GBP6: variants seen among roughly 807,000 people sequenced by gnomAD.
The protein encoded by GBP6 is guanylate binding protein family member 6, also known as guanylate-binding protein 6.
GBP6 carries 54 observed loss-of-function variants against 61.5 expected under a neutral mutation model. That is an observed-to-expected ratio of 0.88 (90% CI 0.71 to 1.10). The LOEUF (loss-of-function observed/expected upper bound fraction) is 1.10, where lower values mean the gene tolerates loss of function less well. Ranked by LOEUF, GBP6 falls within the 50% of genes least tolerant of loss-of-function variation. GBP6 has a pLI of 0.00. For synonymous variants in GBP6, 255 were observed against 273.7 expected (o/e 0.93, Z 0.67); for missense variants, 748 against 752.8 (o/e 0.99, Z 0.07).
In GBP6 at chr1:89,381,784, G is replaced by T. The variant is rs530087862; in HGVS notation, c.962G>T (p.Arg321Leu). 1.2e-6 allele frequency: 2 copies of T among 1,614,132 alleles called. No homozygotes were observed. The highest frequency in any genetic ancestry group is 2.2e-5 in the South Asian group (2 of 91,082). Residue 321 changes from arginine to leucine, a missense_variant, in exon 7 of 11, where the codon CGT (arginine) becomes CTT (leucine). Physicochemically the swap from Arg to Leu is moderately radical, Grantham distance 102 (BLOSUM62 -2). Transcript: ENST00000370456. ...LENAVITLAQ[R>L]ENSAAVQRAA... ...AATGCAGTGATAACTCTGGCCCAGCGTGAGAACTCAGCGGCCGTGCAGAGG... is the reference window on the plus strand; with the variant it reads ...AATGCAGTGATAACTCTGGCCCAGCTTGAGAACTCAGCGGCCGTGCAGAGG...
chr1:89,378,687 G>A (rs1652877563), intron 5 of GBP6, 74 bp downstream of exon 5: 1 of 1,195,030 alleles, frequency 8.4e-7, no homozygotes, highest in Non-Finnish European at 1.2e-6. Context: ...ATCATCTCTG[G>A]GGTTTCATTT....
chr1:89,372,142 C>T (rs1285210590), intron 3 of GBP6, among the ~76,000 whole-genome samples: 1 of 152,184 alleles, frequency 6.6e-6, no homozygotes, highest in Non-Finnish European at 1.5e-5. Flanking sequence ...GAACTACAAA[C>T]CACTGTGCAA....
intron 3 of GBP6, among the ~76,000 whole-genome samples, chr1:89,377,699 T>C (rs1201050934): frequency 6.6e-6 from 1 of 152,248 alleles, no homozygotes. Context: ...TATAAGTGTT[T>C]GCTGAATTTA....
chr1:89,378,379 T>C (rs748197853), intron 4 of GBP6, 38 bp from the exon 5 acceptor site: 1 of 1,584,424 alleles, frequency 6.3e-7, no homozygotes, highest in Non-Finnish European at 8.6e-7. Flanking sequence ...ATGTGTGAAT[T>C]GTGGGCAGAC....
chr1:89,378,261 A>C, intron 4 of GBP6, 49 bp downstream of exon 4: 1 of 1,572,146 alleles, frequency 6.4e-7, no homozygotes, highest in South Asian at 1.2e-5. Flanking sequence ...TTGACTTTAT[A>C]GGAATGGAGA....
intron 3 of GBP6, among the ~76,000 whole-genome samples, chr1:89,372,467 T>G (rs1652672706): frequency 1.3e-5 from 2 of 152,220 alleles, no homozygotes; most frequent in East Asian, 3.9e-4. Context: ...AAAACAGAGA[T>G]ATAGATCAAT....
intron 1 of GBP6, 82 bp from the exon 2 acceptor site, chr1:89,368,447 A>T (rs760213610): frequency 2.2e-5 from 22 of 985,206 alleles, no homozygotes; most frequent in Non-Finnish European, 3.4e-5. Flanking sequence ...AGAAACACAG[A>T]AGTCTCATTA....
chr1:89,364,701 A>T (rs916043601), intron 1 of GBP6, among the ~76,000 whole-genome samples: 2 of 151,198 alleles, frequency 1.3e-5, no homozygotes, highest in African/African-American at 4.9e-5. Flanking sequence ...TCCCATAGGA[A>T]CATCAGAGTC....
rs1653168654 is a variant in GBP6 at position 89,387,248 on chromosome 1, C to T, written c.*1779C>T. Among the ~76,000 whole-genome samples the T allele has an allele frequency of 1.3e-5, 2 of 152,242 alleles. No individual in the cohort carries two copies. Among genetic ancestry groups the T allele is most frequent in the South Asian group, 4.1e-4 (2 of 4,830 alleles). On this transcript the variant is annotated 3_prime_UTR_variant, in exon 11 of 11. Transcript: ENST00000370456. ...TATCCATATACTAGGGAAATACAAA[C>T]ACCCAAATATTTCAAGGACCCTTGG...
chr1:89,381,564 A>T (rs1228341524), intron 6 of GBP6, 130 bp from the exon 7 acceptor site: 8 of 760,622 alleles, frequency 1.1e-5, no homozygotes, highest in African/African-American at 5.3e-5. Context: ...GGAGGTAGGG[A>T]TGTGGGTGTA....
chr1:89,372,210 A>G (rs1173974561), intron 3 of GBP6, among the ~76,000 whole-genome samples: 2 of 152,264 alleles, frequency 1.3e-5, no homozygotes, highest in Non-Finnish European at 2.9e-5. Flanking sequence ...GGATAGGAAG[A>G]ATCAATATTG....
At chr1:89,377,170 A>C (rs985550903) in intron 3 of GBP6, among the ~76,000 whole-genome samples, 7 of 152,210 alleles carry the variant, frequency 4.6e-5, no homozygotes, top group African/African-American at 1.7e-4. Context: ...TAATTTAGAC[A>C]TGCTATAGTT....
Position 89,387,022 on chromosome 1 carries a change from A to G in GBP6, c.*1553A>G, listed in dbSNP as rs1259190329. Among the ~76,000 whole-genome samples the G allele has an allele frequency of 6.6e-6, 1 of 152,212 alleles. No homozygotes were observed. Among genetic ancestry groups the G allele is most frequent in the Non-Finnish European group, 1.5e-5 (1 of 68,042 alleles). On this transcript the variant is annotated 3_prime_UTR_variant, in exon 11 of 11. Coordinates refer to ENST00000370456, the MANE Select transcript of GBP6 (RefSeq NM_198460.3). ...GGGAGAAAACAATCAAGTGAAGTAA[A>G]TGCTGTCTATCAGGATGTTGAGAGG...
intron 6 of GBP6, 151 bp downstream of exon 6, chr1:89,380,782 C>T (rs1652955767): frequency 3.0e-6 from 2 of 661,194 alleles, no homozygotes; most frequent in East Asian, 2.9e-5. Context: ...AATTATCACA[C>T]TTATTGCAAT....
Position 89,385,255 on chromosome 1 carries a change from G to A in GBP6, c.1688G>A (p.Gly563Glu), listed in dbSNP as rs767934125. The A allele has an allele frequency of 6.2e-7, 1 of 1,613,484 alleles. No homozygotes were observed. Among genetic ancestry groups the A allele is most frequent in the Admixed American group, 1.7e-5 (1 of 59,998 alleles). Residue 563 changes from glycine (G) to glutamate (E), a missense_variant, in exon 11 of 11, where the codon GGA (glycine) becomes GAA (glutamate). By Grantham distance (98) the Gly-to-Glu change is moderately conservative. Transcript: ENST00000370456. ...GTCCAAAATGATTGGCTTCATGAAG[G>A]ATTTAAGAAGAAGTATGAGGAGATG... ...QKVQNDWLHE[G>E]FKKKYEEMNA...
At chr1:89,383,786 G>T (rs1392242952) in intron 9 of GBP6, 32 bp downstream of exon 9, 1 of 1,486,886 alleles carries the variant, frequency 6.7e-7, no homozygotes, top group South Asian at 1.2e-5. Flanking sequence ...ACACAGGAGG[G>T]GTACGTTTAT....
intron 6 of GBP6, among the ~76,000 whole-genome samples, chr1:89,381,413 AT>A (rs1195794858): frequency 6.6e-6 from 1 of 151,902 alleles, no homozygotes; most frequent in East Asian, 1.9e-4. Flanking sequence ...TTTTCTTGTA[AT>A]TTTTTAAATG....
Position 89,382,388 on chromosome 1 carries a change from C to T in GBP6, c.1153-276C>T, listed in dbSNP as rs561324303. On this transcript the variant is annotated intron_variant, in intron 7 of 10. Coordinates refer to ENST00000370456, the MANE Select transcript of GBP6 (RefSeq NM_198460.3). ...TTGAGGACAGGAACACAGGATGATA[C>T]CATTGCAACAAACCATAGAGATTAT... Among the ~76,000 whole-genome samples, 9 of 152,280 alleles carry T rather than the reference C, an allele frequency of 5.9e-5. 1 individual carries two copies. Among genetic ancestry groups the T allele is most frequent in the South Asian group, 2.1e-4 (1 of 4,822 alleles).
chr1:89,382,196 C>CACTT (rs1652998744), intron 7 of GBP6, among the ~76,000 whole-genome samples: 1 of 152,170 alleles, frequency 6.6e-6, no homozygotes, highest in Non-Finnish European at 1.5e-5. Flanking sequence ...CTCAAGTGAA[C>CACTT]ACTTCTAAGG....
Sources: allele counts gnomAD v4.1 joint callset (sites outside exome capture counted in the v4.1 genomes callset), GRCh38; gene constraint gnomAD v4.1.1; transcripts MANE v1.5; gene names NCBI Gene and HGNC (gene_info 2026-07-23, HGNC 2026-07-21).